Variants in CORO2B observed in about 807,000 individuals in gnomAD.
The protein encoded by CORO2B is coronin-2B.
CORO2B carries 26 observed loss-of-function variants against 58.8 expected under a neutral mutation model. That is an observed-to-expected ratio of 0.44 (90% CI 0.32 to 0.61). CORO2B has a LOEUF of 0.61. Among genes scored for constraint, CORO2B ranks in the 20% least tolerant of loss-of-function variants. The probability of loss-of-function intolerance (pLI) is 0.04; values close to 1 mark genes in which losing one functional copy is unlikely to be tolerated. For missense variants in CORO2B, 460 were observed against 645.1 expected, an observed-to-expected ratio of 0.71 and a Z score of 3.11; for synonymous variants, 242 against 253.8, an observed-to-expected ratio of 0.95 and a Z score of 0.44.
chr15:68,715,679 G>T (rs1893015762), intron 8 of CORO2B, among the ~76,000 whole-genome samples: 1 of 152,194 alleles, frequency 6.6e-6, no homozygotes, highest in South Asian at 2.1e-4. Flanking sequence ...CCTCTAGGAA[G>T]CCGTGACTCC....
chr15:68,560,423 T>C, the CORO2B span, among the ~76,000 whole-genome samples: 1 of 151,688 alleles, frequency 6.6e-6, no homozygotes, highest in African/African-American at 2.4e-5. Context: ...GTGTCTGGAG[T>C]AGCTGGGACT....
chr15:68,654,991 C>T (rs757996325), intron 2 of CORO2B, among the ~76,000 whole-genome samples: 9 of 152,122 alleles, frequency 5.9e-5, no homozygotes, highest in Non-Finnish European at 1.3e-4. Context: ...TGCAGGGTCT[C>T]CAGGGAGGCA....
the CORO2B span, among the ~76,000 whole-genome samples, chr15:68,549,861 A>C: frequency 6.6e-6 from 1 of 152,070 alleles, no homozygotes; most frequent in African/African-American, 2.4e-5. Flanking sequence ...GAATTGCTTG[A>C]ACCTGGAAGA....
At chr15:68,632,043 G>C in intron 1 of CORO2B, 1 of 985,446 alleles carries the variant, frequency 1.0e-6, no homozygotes, top group Non-Finnish European at 1.2e-6. Flanking sequence ...GTGACTAGCA[G>C]CCAGGCCTCC....
chr15:68,703,874 C>T (rs1481157311), intron 3 of CORO2B, among the ~76,000 whole-genome samples: 2 of 152,018 alleles, frequency 1.3e-5, no homozygotes, highest in Admixed American at 1.3e-4. Flanking sequence ...GTATTGACTA[C>T]ACAGCGGGCA....
the CORO2B span, among the ~76,000 whole-genome samples, chr15:68,521,144 T>A: frequency 6.6e-6 from 1 of 152,264 alleles, no homozygotes; most frequent in Non-Finnish European, 1.5e-5. Context: ...TGGTTTTACA[T>A]CTACCATCTT....
rs1893321989 is a variant in CORO2B at position 68,727,101 on chromosome 15, A to T, written c.*1127A>T. 6.6e-6 allele frequency: 1 copy of T among 152,628 alleles called. No homozygotes were observed. Among genetic ancestry groups the T allele is most frequent in the Admixed American group, 6.5e-5 (1 of 15,280 alleles). The allele number at this position is 152,628 out of a possible 1,614,324, so 9.5% of individuals were successfully genotyped here. A position where few individuals can be genotyped will look rare whatever the true frequency, so the allele number is the denominator to read the frequency against. ...CCTGGGGAAGGCAGACCAGGGTCTG[A>T]TGGCTTCTAGGGATGCTCTGCGTGT... On this transcript the variant is annotated 3_prime_UTR_variant, in exon 12 of 12. Coordinates refer to ENST00000261861, the MANE Select transcript of CORO2B (RefSeq NM_006091.5).
chr15:68,721,961 C>G (rs1893172175), intron 11 of CORO2B, among the ~76,000 whole-genome samples: 2 of 152,186 alleles, frequency 1.3e-5, no homozygotes, highest in Non-Finnish European at 2.9e-5. Flanking sequence ...CTATATTGCA[C>G]AGGCTGGTCT....
the CORO2B span, among the ~76,000 whole-genome samples, chr15:68,550,511 C>T: frequency 6.6e-6 from 1 of 152,166 alleles, no homozygotes; most frequent in South Asian, 2.1e-4. Context: ...AATTGAACCA[C>T]GATAGCACCC....
intron 1 of CORO2B, among the ~76,000 whole-genome samples, chr15:68,618,116 CA>C (rs1566986577): frequency 6.6e-6 from 1 of 151,914 alleles, no homozygotes; most frequent in East Asian, 1.9e-4. Flanking sequence ...TGTTGTGACC[CA>C]ATACACACAC....
intron 1 of CORO2B, chr15:68,641,591 T>TA: frequency 1.0e-6 from 1 of 985,308 alleles, no homozygotes; most frequent in Non-Finnish European, 1.2e-6. Context: ...GAACCTGGGG[T>TA]AAGTGTGGAC....
intron 1 of CORO2B, among the ~76,000 whole-genome samples, chr15:68,631,120 G>C (rs1047116464): frequency 2.0e-5 from 3 of 152,144 alleles, no homozygotes; most frequent in African/African-American, 7.2e-5. Flanking sequence ...AGATCTGCCT[G>C]CCTCCCTTCT....
At chr15:68,582,134 GCA>G (rs1899441844) in intron 1 of CORO2B, among the ~76,000 whole-genome samples, 1 of 152,140 alleles carries the variant, frequency 6.6e-6, no homozygotes, top group South Asian at 2.1e-4. Flanking sequence ...TAACCATGAG[GCA>G]CAGCTGCTAA....
At position 68,695,139 on chromosome 15, in the gene CORO2B, G is replaced by C. The variant is rs1307664984; in HGVS notation, c.217-1G>C. ...TCTCTCTCTCTCTTTCTCCTCTGCA[G>C]ACAGGCAGGATTGAACCCAACTACC... On this transcript the variant is annotated splice_acceptor_variant, in intron 2 of 11. Transcript: ENST00000261861. LOFTEE classifies it high-confidence loss of function. 6.2e-7 allele frequency: 1 copy of C among 1,612,180 alleles called. No individual in the cohort carries two copies. The highest frequency in any genetic ancestry group is 8.5e-7 in the Non-Finnish European group (1 of 1,178,394).
At chr15:68,721,073 G>A (rs952711387) in intron 11 of CORO2B, among the ~76,000 whole-genome samples, 12 of 151,916 alleles carry the variant, frequency 7.9e-5, no homozygotes, top group African/African-American at 2.9e-4. Context: ...GTAGAGACAG[G>A]GTTTCACCAT....
In CORO2B at chr15:68,726,083, C is replaced by T. The variant is rs1342209438; in HGVS notation, c.*109C>T. 2.8e-6 allele frequency: 4 copies of T among 1,430,052 alleles called. No individual in the cohort carries two copies. Among genetic ancestry groups the T allele is most frequent in the Non-Finnish European group, 3.8e-6 (4 of 1,057,140 alleles). 88.6% of individuals were successfully genotyped at this position (1,430,052 alleles called of 1,614,324 possible). On this transcript the variant is annotated 3_prime_UTR_variant, in exon 12 of 12. Transcript: ENST00000261861. ...GACAGAGCCAGGACAGGAGTGGGGG[C>T]CAGCCTGAGGACCCCCGCCTACCAC...
intron 1 of CORO2B, among the ~76,000 whole-genome samples, chr15:68,613,728 A>G (rs1900291551): frequency 6.6e-6 from 1 of 152,228 alleles, no homozygotes; most frequent in Non-Finnish European, 1.5e-5. Flanking sequence ...GGGCCTTGAA[A>G]TCAATATTCT....
intron 1 of CORO2B, among the ~76,000 whole-genome samples, chr15:68,608,936 A>AAG (rs35903286): frequency 1.3e-5 from 2 of 151,766 alleles, no homozygotes; most frequent in African/African-American, 2.4e-5. Flanking sequence ...GGGTACTAGG[A>AAG]AGAGAGAGAG....
chr15:68,714,421 A>G (rs1892985530), intron 6 of CORO2B, 138 bp from the exon 7 acceptor site: 1 of 688,194 alleles, frequency 1.5e-6, no homozygotes. Flanking sequence ...TCTTGCCACC[A>G]CCCATAGGAC....
Sources: allele counts gnomAD v4.1 joint callset (sites outside exome capture counted in the v4.1 genomes callset), GRCh38; gene constraint gnomAD v4.1.1; transcripts MANE v1.5; gene names NCBI Gene and HGNC (gene_info 2026-07-23, HGNC 2026-07-21).